Variants in PSMG2 observed in about 807,000 individuals in gnomAD.
PSMG2 encodes the protein CD40 ligand-activated specific transcript 3.
A neutral mutation model predicts 31.5 loss-of-function variants in PSMG2; 21 were observed. The ratio of observed to expected loss-of-function variants is 0.67; its 90% CI spans 0.47 to 0.96. The LOEUF (loss-of-function observed/expected upper bound fraction) is 0.96, where lower values mean the gene tolerates loss of function less well. PSMG2 is among the 40% of genes least tolerant of loss of function. The pLI is 0.00. For synonymous variants in PSMG2, 120 were observed against 110.4 expected (o/e 1.09, Z -0.54); for missense variants, 318 against 321.2 (o/e 0.99, Z 0.08).
intron 6 of PSMG2, 77 bp from the exon 7 acceptor site, chr18:12,725,344 CAAAAGGAACACAAAAGGA>C: frequency 1.0e-6 from 1 of 997,120 alleles, no homozygotes. Context: ...AAGTGCCAAC[CAAAAGGAACACAAAAGGA>C]GAGTTTTATA....
chr18:12,673,116 T>TTCTA, intron 1 of PSMG2: 1 of 1,058,098 alleles, frequency 9.5e-7, no homozygotes, highest in South Asian at 3.4e-5. Context: ...CAAAGTAGCA[T>TTCTA]TTATTAAAAT....
rs776718052 is a variant in PSMG2 at position 12,720,545 on chromosome 18, A to C, written c.443A>C (p.Gln148Pro). The change falls in exon 5 of 7, where the codon CAA becomes CCA. Residue 148 changes from glutamine (Q) to proline (P), a missense_variant. Gln to Pro is a moderately conservative substitution (Grantham distance 76). Coordinates refer to ENST00000317615, the MANE Select transcript of PSMG2 (RefSeq NM_020232.5). ...PFRYLLTPSM[Q>P]KSVQNKIKSL... ...CGGTACCTACTTACACCTTCCATGCAAAAAAGTGTTCAAAATAAAATAAAG... is the reference window on the plus strand; with the variant it reads ...CGGTACCTACTTACACCTTCCATGCCAAAAAGTGTTCAAAATAAAATAAAG... 1.2e-6 allele frequency: 2 copies of C among 1,611,256 alleles called. No individual in the cohort carries two copies. The highest frequency in any genetic ancestry group is 1.1e-5 in the South Asian group (1 of 90,626).
chr18:12,687,143 T>C (rs947123542), intron 1 of PSMG2, among the ~76,000 whole-genome samples: 12 of 152,188 alleles, frequency 7.9e-5, no homozygotes, highest in African/African-American at 2.7e-4. Context: ...TGGTTACTGA[T>C]ACGGCACTGT....
chr18:12,716,645 C>T lies in PSMG2; in HGVS notation c.289-1872C>T, dbSNP rs367651621. Among the ~76,000 whole-genome samples, 391 of 152,254 alleles carry T rather than the reference C, an allele frequency of 2.6e-3. 2 individuals are homozygous for T. The highest frequency in any genetic ancestry group is 0.016 in the South Asian group (79 of 4,824). On this transcript the variant is annotated intron_variant, in intron 3 of 6. Transcript: ENST00000317615. ...TCCTGACCTTGTGATCTGCCCGCCT[C>T]AGCCTCCCAAAGTGCTGGGATTACA...
At chr18:12,675,480 A>T (rs904500347) in intron 1 of PSMG2, among the ~76,000 whole-genome samples, 3 of 152,130 alleles carry the variant, frequency 2.0e-5, no homozygotes, top group Admixed American at 6.6e-5. Context: ...CCTACCATAA[A>T]CTCAACTACA....
chr18:12,724,962 G>A (rs1472360629), intron 6 of PSMG2: 3 of 332,048 alleles, frequency 9.0e-6, no homozygotes, highest in Non-Finnish European at 1.6e-5. Flanking sequence ...AAAAAGTATT[G>A]CTATGTGAGC....
At chr18:12,709,430 G>A (rs985882885) in intron 2 of PSMG2, among the ~76,000 whole-genome samples, 25 of 151,860 alleles carry the variant, frequency 1.6e-4, no homozygotes, top group Non-Finnish European at 2.1e-4. Context: ...GGGTTCAAGA[G>A]ATGCTCCTGC....
rs1487119763 is a variant in PSMG2 at position 12,720,406 on chromosome 18, G to A, written c.408-104G>A. 4 of 917,218 alleles carry A rather than the reference G, an allele frequency of 4.4e-6. No homozygotes were observed. The Admixed American group carries it at 1.3e-4, about 29-fold the overall frequency. 56.8% of individuals were successfully genotyped at this position (917,218 alleles called of 1,614,324 possible). A position where few individuals can be genotyped will look rare whatever the true frequency, so the allele number is the denominator to read the frequency against. On this transcript the variant is annotated intron_variant, in intron 4 of 6. Transcript: ENST00000317615. Reference sequence around the variant, plus strand: ...TTTACTTAAGTCTGCTGAAACTTGTGTTTTGCCTGTGCAGCAGAATATATG... The same window carrying A: ...TTTACTTAAGTCTGCTGAAACTTGTATTTTGCCTGTGCAGCAGAATATATG...
intron 2 of PSMG2, among the ~76,000 whole-genome samples, chr18:12,708,700 C>CTTTTTTTTTTTTTTTTTTT (rs71371298): frequency 1.1e-5 from 1 of 88,728 alleles, no homozygotes; most frequent in Non-Finnish European, 2.2e-5. Flanking sequence ...TTACAACGTT[C>CTTTTTTTTTTTTTTTTTTT]TTTTTTTTTT....
chr18:12,681,269 T>A (rs2145019081), intron 1 of PSMG2, among the ~76,000 whole-genome samples: 1 of 150,208 alleles, frequency 6.7e-6, no homozygotes, highest in African/African-American at 2.4e-5. Flanking sequence ...TTTTTTTTTT[T>A]TTTTTTTTGA....
At chr18:12,662,127 TC>T (rs1221214355) in intron 1 of PSMG2, 1 of 450,390 alleles carries the variant, frequency 2.2e-6, no homozygotes, top group Admixed American at 2.4e-5. Context: ...CCCAAGCTTT[TC>T]CCAGACACTT....
At chr18:12,719,358 A>G (rs2040408081) in intron 4 of PSMG2, among the ~76,000 whole-genome samples, 1 of 152,200 alleles carries the variant, frequency 6.6e-6, no homozygotes, top group Non-Finnish European at 1.5e-5. Context: ...AACATATCAT[A>G]TAGAATACTC....
upstream of PSMG2, chr18:12,702,638 C>G: frequency 7.0e-7 from 1 of 1,424,790 alleles, no homozygotes; most frequent in Non-Finnish European, 9.4e-7. Flanking sequence ...TTAGGAGCGA[C>G]TGGAGCACAA....
upstream of PSMG2, chr18:12,702,961 T>C (rs1167759075): frequency 4.6e-6 from 4 of 865,878 alleles, no homozygotes; most frequent in Admixed American, 3.4e-5. Context: ...GGCAGTTAGC[T>C]GGACGGGCCT....
intron 1 of PSMG2, chr18:12,672,554 T>TGAAAA (rs10678393): frequency 0.42 from 244,600 of 586,552 alleles, 53,441 homozygotes; most frequent in Non-Finnish European, 0.44. Flanking sequence ...TTTATCACAA[T>TGAAAA]GAAAGAAAAA....
At chr18:12,708,700 C>CTTTTT (rs71371298) in intron 2 of PSMG2, among the ~76,000 whole-genome samples, 36 of 88,726 alleles carry the variant, frequency 4.1e-4, no homozygotes, top group African/African-American at 6.1e-4. Flanking sequence ...TTACAACGTT[C>CTTTTT]TTTTTTTTTT....
chr18:12,697,543 G>A (rs2039999190), intron 1 of PSMG2: 1 of 631,886 alleles, frequency 1.6e-6, no homozygotes, highest in Non-Finnish European at 2.5e-6. Context: ...GTCTCAGAAA[G>A]CATGCAAAAA....
chr18:12,659,512 C>G (rs1248529926), intron 1 of PSMG2, among the ~76,000 whole-genome samples: 1 of 151,970 alleles, frequency 6.6e-6, no homozygotes, highest in Non-Finnish European at 1.5e-5. Context: ...ACTAAAAATA[C>G]AAAGAAAATT....
intron 2 of PSMG2, among the ~76,000 whole-genome samples, chr18:12,706,990 C>G (rs931014613): frequency 2.0e-5 from 3 of 151,882 alleles, no homozygotes; most frequent in Non-Finnish European, 4.4e-5. Context: ...GAGTCTCGCT[C>G]TCTTGCCCAG....
Sources: gnomAD v4.1 joint callset for allele counts (sites outside exome capture counted in the v4.1 genomes callset) on GRCh38, gnomAD v4.1.1 for gene constraint, MANE v1.5 for transcripts, NCBI Gene and HGNC (gene_info 2026-07-23, HGNC 2026-07-21) for gene names.